Variants in CLCA4 observed in about 807,000 individuals in gnomAD.
The protein encoded by CLCA4 is chloride channel accessory 4, also known as calcium-activated chloride channel regulator 4.
In CLCA4, 69 loss-of-function variants were observed where a neutral mutation model predicts 78.9. The observed-to-expected ratio is 0.87, with a 90% CI of 0.72 to 1.07. CLCA4 has a LOEUF of 1.07. Among genes scored for constraint, CLCA4 ranks in the 50% least tolerant of loss-of-function variants. The pLI, the probability that CLCA4 is intolerant of heterozygous loss-of-function variation, is 0.00. For synonymous variants in CLCA4, 362 were observed against 375.8 expected, an observed-to-expected ratio of 0.96 and a Z score of 0.42; for missense variants, 1,133 against 1,095.8, an observed-to-expected ratio of 1.03 and a Z score of -0.48.
At chr1:86,563,207 A>G (rs993741921) in intron 3 of CLCA4, among the ~76,000 whole-genome samples, 1 of 149,444 alleles carries the variant, frequency 6.7e-6, no homozygotes, top group Non-Finnish European at 1.5e-5. Flanking sequence ...ACATCTTTAT[A>G]TTTTTTAATA....
chr1:86,569,577 A>C (rs1211462060), intron 7 of CLCA4, among the ~76,000 whole-genome samples: 1 of 152,058 alleles, frequency 6.6e-6, no homozygotes, highest in African/African-American at 2.4e-5. Flanking sequence ...AGGCAGTAAA[A>C]GTGGTAATAG....
rs148031684 is a variant in CLCA4, at chr1:86,559,974, G to GA, written c.208dup (p.Arg70LysfsTer13). 6.4e-5 allele frequency: 103 copies of GA among 1,607,722 alleles called. 1 individual carries two copies. Among genetic ancestry groups the GA allele is most frequent in the South Asian group, 7.8e-5 (7 of 89,190 alleles). On this transcript the variant is annotated frameshift_variant, in exon 2 of 14. Coordinates refer to ENST00000370563, the MANE Select transcript of CLCA4 (RefSeq NM_012128.4). LOFTEE classifies it high-confidence loss of function. ...TTCTACGTACCTGTTTGAAGCCACA[G>GA]AAAAAAGATTTTTTTTCAAAAATGT...
rs1434277583 is a variant in CLCA4, at chr1:86,547,206, T to C, written c.87T>C (p.Asn29=). The C allele has an allele frequency of 1.2e-6, 2 of 1,612,170 alleles. No individual in the cohort carries two copies. Among genetic ancestry groups the C allele is most frequent in the South Asian group, 1.1e-5 (1 of 90,662 alleles). The change falls in exon 1 of 14, where the codon AAT becomes AAC. Residue 29 remains asparagine, a synonymous_variant. Coordinates refer to ENST00000370563, the MANE Select transcript of CLCA4 (RefSeq NM_012128.4). ...SNTSFIKLNN[N]GFEDIVIVID... is the part of the protein sequence containing the mutation. ...CTTCCTTCATTAAGCTGAATAATAA[T>C]GGCTTTGAAGATATTGTCATTGTTA...
intron 6 of CLCA4, among the ~76,000 whole-genome samples, chr1:86,566,273 G>T (rs1650188304): frequency 6.6e-6 from 1 of 151,898 alleles, no homozygotes; most frequent in Non-Finnish European, 1.5e-5. Flanking sequence ...CTTCTAGGCT[G>T]GTTAAAGCCC....
chr1:86,562,140 C>T (rs1009574399), intron 3 of CLCA4, among the ~76,000 whole-genome samples: 1 of 151,980 alleles, frequency 6.6e-6, no homozygotes, highest in African/African-American at 2.4e-5. Flanking sequence ...GAAATAGGAA[C>T]AGAGATAGCT....
At chr1:86,555,026 A>T (rs1244499172) in intron 1 of CLCA4, among the ~76,000 whole-genome samples, 1 of 151,864 alleles carries the variant, frequency 6.6e-6, no homozygotes, top group Non-Finnish European at 1.5e-5. Context: ...GCATCTGTTC[A>T]TGTCCTTTGC....
chr1:86,562,885 A>G (rs1267367889), intron 3 of CLCA4, among the ~76,000 whole-genome samples: 1 of 151,204 alleles, frequency 6.6e-6, no homozygotes, highest in African/African-American at 2.4e-5. Flanking sequence ...GAAGAAAGAA[A>G]AAGAAAAGAA....
intron 13 of CLCA4, 75 bp downstream of exon 13, chr1:86,579,662 T>TG: frequency 3.3e-6 from 2 of 600,424 alleles, no homozygotes; most frequent in East Asian, 7.8e-5. Flanking sequence ...TAAGGGTGGG[T>TG]GGGGGGAGAA....
At chr1:86,572,865 C>G in intron 9 of CLCA4, 145 bp downstream of exon 9, 1 of 670,146 alleles carries the variant, frequency 1.5e-6, no homozygotes. Context: ...AGAAATTACC[C>G]TTAGCTATAG....
At chr1:86,573,487 G>A (rs576090358) in intron 9 of CLCA4, among the ~76,000 whole-genome samples, 2 of 151,924 alleles carry the variant, frequency 1.3e-5, no homozygotes, top group South Asian at 4.1e-4. Context: ...TTTCTGTCTG[G>A]TGTTTTCCAG....
chr1:86,553,618 C>T (rs1649734413), intron 1 of CLCA4, among the ~76,000 whole-genome samples: 1 of 152,172 alleles, frequency 6.6e-6, no homozygotes, highest in Admixed American at 6.5e-5. Flanking sequence ...GGAAACTAGC[C>T]ATAGTTTTAC....
At chr1:86,548,229 ATTTG>A (rs1380767597) in intron 1 of CLCA4, among the ~76,000 whole-genome samples, 1 of 152,054 alleles carries the variant, frequency 6.6e-6, no homozygotes, top group African/African-American at 2.4e-5. Flanking sequence ...CTTGTTGGAC[ATTTG>A]TTTGTCTTCT....
At chr1:86,558,652 A>G (rs769163878) in intron 1 of CLCA4, among the ~76,000 whole-genome samples, 4 of 152,178 alleles carry the variant, frequency 2.6e-5, no homozygotes, top group African/African-American at 4.8e-5. Flanking sequence ...CCTTCTTCAC[A>G]TGGCAGCAGG....
Position 86,559,932 on chromosome 1 carries a change from G to A in CLCA4, c.160G>A (p.Asp54Asn), listed in dbSNP as rs764538668. The change falls in exon 2 of 14, where the codon GAT (aspartate) becomes AAT (asparagine). Residue 54 changes from aspartate (D) to asparagine (N), a missense_variant and splice_region_variant. By Grantham distance (23) the Asp-to-Asn change is conservative. Transcript: ENST00000370563. The stretch of plus-strand genomic sequence containing the variant: ...CACATATTTTTTCCTTTAATGACAG[G>A]ATATGGTGACTACAGCTTCTACGTA... ...EDEKIIEQIEDMVTTASTYLF... is the reference protein window; with the variant it reads ...EDEKIIEQIENMVTTASTYLF... The A allele has an allele frequency of 4.4e-6, 7 of 1,591,486 alleles. No homozygotes were observed. The African/African-American group carries it at 5.5e-5, about 12-fold the overall frequency.
chr1:86,561,315 A>T (rs541382975), intron 3 of CLCA4, among the ~76,000 whole-genome samples: 4 of 152,338 alleles, frequency 2.6e-5, no homozygotes, highest in Admixed American at 6.5e-5. Context: ...TTTCAACTAC[A>T]AGTATAAATA....
At chr1:86,571,372 C>G in intron 8 of CLCA4, 118 bp downstream of exon 8, 1 of 920,852 alleles carries the variant, frequency 1.1e-6, no homozygotes, top group Non-Finnish European at 1.6e-6. Flanking sequence ...GGGACCAGAC[C>G]CAATCTCTGT....
At chr1:86,554,036 G>C in intron 1 of CLCA4, among the ~76,000 whole-genome samples, 1 of 151,940 alleles carries the variant, frequency 6.6e-6, no homozygotes, top group Non-Finnish European at 1.5e-5. Context: ...AAGGTTTGTT[G>C]CATAGGTAAA....
rs2101820000 is a variant in CLCA4, at chr1:86,577,898, C to G, written c.1952-4C>G. 6.2e-7 allele frequency: 1 copy of G among 1,605,524 alleles called. No homozygotes were observed. The highest frequency in any genetic ancestry group is 1.3e-5 in the African/African-American group (1 of 74,380). On this transcript the variant is annotated splice_region_variant and splice_polypyrimidine_tract_variant and intron_variant, in intron 11 of 13. Coordinates refer to ENST00000370563, the MANE Select transcript of CLCA4 (RefSeq NM_012128.4). ...AGACTTTATTCCTTCATTTCTATAACAAGGCGCTGATTCTTTCAAGAATGA... is the reference window on the plus strand; with the variant it reads ...AGACTTTATTCCTTCATTTCTATAAGAAGGCGCTGATTCTTTCAAGAATGA...
chr1:86,575,259 T>G, intron 10 of CLCA4, 73 bp from the exon 11 acceptor site: 1 of 1,231,750 alleles, frequency 8.1e-7, no homozygotes, highest in Non-Finnish European at 1.1e-6. Context: ...TAATTTATTT[T>G]AGAATTACAT....
Sources: allele counts gnomAD v4.1 joint callset (sites outside exome capture counted in the v4.1 genomes callset), GRCh38; gene constraint gnomAD v4.1.1; transcripts MANE v1.5; gene names NCBI Gene and HGNC (gene_info 2026-07-23, HGNC 2026-07-21).